The following CFAP77 variants were observed in gnomAD, a reference collection of about 807,000 sequenced individuals.
The protein encoded by CFAP77 is cilia- and flagella-associated protein 77.
Under a neutral mutation model 31.1 loss-of-function variants are expected in CFAP77, and 25 were observed. The observed-to-expected ratio is 0.80, with a 90% CI of 0.59 to 1.12. The LOEUF (loss-of-function observed/expected upper bound fraction) is 1.12. Ranked by LOEUF, CFAP77 falls within the 50% of genes most tolerant of loss-of-function variation. CFAP77 has a pLI of 0.00. For synonymous variants in CFAP77, 151 were observed against 159.9 expected (o/e 0.94, Z 0.42); for missense variants, 377 against 397.3 (o/e 0.95, Z 0.44).
At chr9:132,416,666 T>C (rs1205001808) in intron 1 of CFAP77, among the ~76,000 whole-genome samples, 1 of 133,072 alleles carries the variant, frequency 7.5e-6, no homozygotes, top group African/African-American at 3.0e-5. Context: ...TGAGACGGAG[T>C]CTCACTCTGT....
intron 1 of CFAP77, among the ~76,000 whole-genome samples, chr9:132,493,657 C>T (rs1851687601): frequency 6.6e-6 from 1 of 152,186 alleles, no homozygotes; most frequent in African/African-American, 2.4e-5. Flanking sequence ...ACTGCCCCCA[C>T]CCAGGGGTCC....
In CFAP77 at chr9:132,499,471, T is replaced by C; in HGVS notation, c.395T>C (p.Leu132Pro). Residue 132 changes from leucine (L) to proline (P), a missense_variant, in exon 3 of 6, where the codon CTG becomes CCG. Transcript: ENST00000393216. The surrounding 1 kb of genome is among the most constrained non-coding windows in gnomAD (Gnocchi z 5.4). ...AACCGCGGGGCGGTGAAAGCCGGCC[T>C]GGTGACTGCCCGGGAGAACTTGCTC... ...AMNRGAVKAG[L>P]VTARENLLYR... 2 of 1,614,202 alleles carry C rather than the reference T, an allele frequency of 1.2e-6. No individual in the cohort carries two copies. Among genetic ancestry groups the C allele is most frequent in the Non-Finnish European group, 8.5e-7 (1 of 1,180,040 alleles).
intron 5 of CFAP77, among the ~76,000 whole-genome samples, chr9:132,547,527 G>A (rs1219311871): frequency 2.0e-5 from 3 of 152,122 alleles, no homozygotes; most frequent in Non-Finnish European, 4.4e-5. Context: ...CCTGTTCCCC[G>A]CACTGATGCT....
chr9:132,562,952 C>T (rs1829838484), intron 5 of CFAP77, among the ~76,000 whole-genome samples: 1 of 152,060 alleles, frequency 6.6e-6, no homozygotes, highest in South Asian at 2.1e-4. Context: ...CCTGCCTCAG[C>T]CTCCCAAAGT....
chr9:132,515,221 T>G (rs1187295056), intron 3 of CFAP77, among the ~76,000 whole-genome samples: 1 of 152,150 alleles, frequency 6.6e-6, no homozygotes, highest in African/African-American at 2.4e-5. Context: ...GCTCTCTAGG[T>G]GATTCTTATT....
intron 1 of CFAP77, among the ~76,000 whole-genome samples, chr9:132,469,971 C>T (rs888821537): frequency 6.6e-6 from 1 of 152,022 alleles, no homozygotes; most frequent in Non-Finnish European, 1.5e-5. Context: ...TCCCAAGTAG[C>T]TGGGATAACA....
chr9:132,459,420 G>GGGGT (rs1387160353), intron 1 of CFAP77, among the ~76,000 whole-genome samples: 25 of 143,976 alleles, frequency 1.7e-4, no homozygotes, highest in African/African-American at 4.4e-4. Flanking sequence ...GGATGAATAG[G>GGGGT]GTGTGTGTGT....
chr9:132,486,084 A>ATTTTT (rs1564223242), intron 1 of CFAP77, among the ~76,000 whole-genome samples: 1 of 18,358 alleles, frequency 5.4e-5, no homozygotes, highest in Non-Finnish European at 8.4e-5. Context: ...ATATATATAT[A>ATTTTT]TATATATTTT....
chr9:132,448,523 G>A (rs968084297), intron 1 of CFAP77, among the ~76,000 whole-genome samples: 1 of 152,150 alleles, frequency 6.6e-6, no homozygotes, highest in Non-Finnish European at 1.5e-5. Context: ...CCAGCACTTG[G>A]CAGAGTTCTT....
At chr9:132,437,460 G>A (rs960484494) in intron 1 of CFAP77, among the ~76,000 whole-genome samples, 2 of 151,848 alleles carry the variant, frequency 1.3e-5, no homozygotes, top group African/African-American at 2.4e-5. Flanking sequence ...GACTTCGTCC[G>A]AGGGCAGTGG....
intron 1 of CFAP77, among the ~76,000 whole-genome samples, chr9:132,429,327 T>C (rs1004303660): frequency 6.6e-6 from 1 of 151,436 alleles, no homozygotes; most frequent in African/African-American, 2.4e-5. Context: ...GATCACGAGG[T>C]CAGGAATTTG....
At chr9:132,446,821 T>G (rs1850729275) in intron 1 of CFAP77, among the ~76,000 whole-genome samples, 1 of 151,152 alleles carries the variant, frequency 6.6e-6, no homozygotes, top group East Asian at 1.9e-4. Flanking sequence ...GCATGCCAAA[T>G]GCTTTCAACA....
intron 1 of CFAP77, among the ~76,000 whole-genome samples, chr9:132,422,950 C>T (rs761239623): frequency 1.3e-5 from 2 of 152,278 alleles, no homozygotes; most frequent in East Asian, 1.9e-4. Context: ...TTAGTGACTA[C>T]GATTTGTTTA....
chr9:132,538,456 A>G (rs905685305), intron 4 of CFAP77, among the ~76,000 whole-genome samples: 4 of 152,258 alleles, frequency 2.6e-5, no homozygotes, highest in African/African-American at 9.6e-5. Flanking sequence ...AAGGAAAACC[A>G]TCTTTAATTC....
chr9:132,566,166 C>T (rs767045749), intron 5 of CFAP77, among the ~76,000 whole-genome samples: 13 of 152,060 alleles, frequency 8.5e-5, no homozygotes, highest in Admixed American at 2.6e-4. Context: ...GGCTGGGCTG[C>T]TTGGAGAGGG....
intron 1 of CFAP77, among the ~76,000 whole-genome samples, chr9:132,439,992 A>G (rs917678266): frequency 6.6e-6 from 1 of 152,192 alleles, no homozygotes; most frequent in African/African-American, 2.4e-5. Flanking sequence ...GATCATCATC[A>G]TCAACATCAG....
At chr9:132,459,963 C>T (rs189670749) in intron 1 of CFAP77, among the ~76,000 whole-genome samples, 2 of 151,950 alleles carry the variant, frequency 1.3e-5, no homozygotes, top group East Asian at 1.9e-4. Flanking sequence ...AGTGCATGAG[C>T]GTGTGCGTGT....
intron 1 of CFAP77, among the ~76,000 whole-genome samples, chr9:132,423,077 C>T (rs546788774): frequency 2.0e-5 from 3 of 152,214 alleles, no homozygotes; most frequent in East Asian, 1.9e-4. Context: ...TTGGGCTTCG[C>T]GGCTGCCTCC....
intron 1 of CFAP77, among the ~76,000 whole-genome samples, chr9:132,433,610 C>T (rs887771041): frequency 4.0e-5 from 6 of 151,402 alleles, no homozygotes; most frequent in Admixed American, 6.6e-5. Flanking sequence ...TGCAGTGGCA[C>T]AATCTTGGCT....
Sources: gnomAD v4.1 joint callset for allele counts (sites outside exome capture counted in the v4.1 genomes callset) on GRCh38, gnomAD v4.1.1 for gene constraint, Gnocchi (gnomAD v3.1) non-coding constraint, MANE v1.5 for transcripts, NCBI Gene and HGNC (gene_info 2026-07-23, HGNC 2026-07-21) for gene names.